The following NPY variants were observed in gnomAD, a reference collection of about 807,000 sequenced individuals.
The protein encoded by NPY is pro-neuropeptide Y.
In NPY, 11 loss-of-function variants were observed where a neutral mutation model predicts 13.2. The ratio of observed to expected loss-of-function variants is 0.83; its 90% CI spans 0.52 to 1.38. The LOEUF (loss-of-function observed/expected upper bound fraction) is 1.38, where lower values mean the gene tolerates loss of function less well. NPY is among the 40% of genes most tolerant of loss of function. The pLI is 0.00. For synonymous variants in NPY, 51 were observed against 55.6 expected (o/e 0.92, Z 0.37); for missense variants, 109 against 125.1 (o/e 0.87, Z 0.61).
chr7:24,287,128 T>A (rs3025119), intron 2 of NPY, among the ~76,000 whole-genome samples: 45 of 152,342 alleles, frequency 3.0e-4, no homozygotes, highest in African/African-American at 8.4e-4. Flanking sequence ...TGTCTTTGGA[T>A]GTTGTCACCA....
At chr7:24,284,982 C>T in intron 1 of NPY, 2 of 560,802 alleles carry the variant, frequency 3.6e-6, no homozygotes, top group African/African-American at 1.9e-5. Context: ...TCGCCGCGCG[C>T]TTCTTGGTCC....
chr7:24,289,915 T>C (rs756898751), intron 3 of NPY, among the ~76,000 whole-genome samples: 1 of 152,164 alleles, frequency 6.6e-6, no homozygotes, highest in Non-Finnish European at 1.5e-5. Context: ...TGACTCTAAA[T>C]TGAAATGACC....
rs1210671919 is a variant in NPY at position 24,291,522 on chromosome 7, G to A, written c.270-141G>A. On this transcript the variant is annotated intron_variant, in intron 3 of 3. Coordinates refer to ENST00000242152, the MANE Select transcript of NPY (RefSeq NM_000905.4). ...GCCTCACGATCTGATATTCCACATG[G>A]CTTCTTATTTAGAATGCCAACAGGA... The A allele has an allele frequency of 6.8e-6, 6 of 879,956 alleles. No homozygotes were observed. In the Admixed American group the frequency reaches 7.2e-5, roughly 10 times the overall value. The allele number at this position is 879,956 out of a possible 1,614,324, so 54.5% of individuals were successfully genotyped here. A position where few individuals can be genotyped will look rare whatever the true frequency, so the allele number is the denominator to read the frequency against.
chr7:24,288,590 C>T (rs1026131249), intron 2 of NPY, among the ~76,000 whole-genome samples: 3 of 148,960 alleles, frequency 2.0e-5, no homozygotes, highest in Admixed American at 6.9e-5. Flanking sequence ...CTTGTCTGGC[C>T]GTTTTGTAGT....
chr7:24,285,543 C>T lies in NPY; in HGVS notation c.188+115C>T. 3.8e-6 allele frequency: 4 copies of T among 1,046,764 alleles called. No individual in the cohort carries two copies. Among genetic ancestry groups the T allele is most frequent in the Non-Finnish European group, 5.5e-6 (4 of 726,724 alleles). 64.8% of individuals were successfully genotyped at this position (1,046,764 alleles called of 1,614,324 possible). On this transcript the variant is annotated intron_variant, in intron 2 of 3. Coordinates refer to ENST00000242152, the MANE Select transcript of NPY (RefSeq NM_000905.4). This position sits in a 1 kb window ranked among gnomAD's most constrained non-coding sequence, Gnocchi z 4.9. ...TCCTTCGCTCTATCCCAGGGCAGGACAGTATCAGGCACTTAGTCAGCTCTA... is the reference window on the plus strand; with the variant it reads ...TCCTTCGCTCTATCCCAGGGCAGGATAGTATCAGGCACTTAGTCAGCTCTA...
rs1562800125 is a variant in NPY, at chr7:24,285,573, A to G, written c.188+145A>G. The stretch of plus-strand genomic sequence containing the variant: ...TCAGGCACTTAGTCAGCTCTAGGTA[A>G]ATGTTTGTACAGGGCACACTCTACA... On this transcript the variant is annotated intron_variant, in intron 2 of 3. Coordinates refer to ENST00000242152, the MANE Select transcript of NPY (RefSeq NM_000905.4). This position sits in a 1 kb window ranked among gnomAD's most constrained non-coding sequence, Gnocchi z 4.9. The G allele has an allele frequency of 2.5e-6, 2 of 805,922 alleles. No homozygotes were observed. Among genetic ancestry groups the G allele is most frequent in the South Asian group, 3.6e-5 (2 of 55,548 alleles). 49.9% of individuals were successfully genotyped at this position (805,922 alleles called of 1,614,324 possible).
At position 24,291,765 on chromosome 7, in the gene NPY, C is replaced by A; in HGVS notation, c.*78C>A. 2 of 1,498,798 alleles carry A rather than the reference C, an allele frequency of 1.3e-6. No individual in the cohort carries two copies. Among genetic ancestry groups the A allele is most frequent in the Non-Finnish European group, 1.9e-6 (2 of 1,075,948 alleles). The allele number at this position is 1,498,798 out of a possible 1,614,324, so 92.8% of individuals were successfully genotyped here. A position where few individuals can be genotyped will look rare whatever the true frequency, so the allele number is the denominator to read the frequency against. On this transcript the variant is annotated 3_prime_UTR_variant, in exon 4 of 4. Coordinates refer to ENST00000242152, the MANE Select transcript of NPY (RefSeq NM_000905.4). ...TCGTGTAAAACGAGAATCCACCCAT[C>A]CTACCAATGCATGCAGCCACTGTGC...
intron 3 of NPY, among the ~76,000 whole-genome samples, chr7:24,291,047 T>A (rs1041231605): frequency 3.3e-5 from 5 of 152,068 alleles, no homozygotes; most frequent in Admixed American, 1.3e-4. Flanking sequence ...GACTTACTGT[T>A]AGAAAAATAA....
Position 24,285,166 on chromosome 7 carries a change from G to C in NPY, c.1-75G>C. The C allele has an allele frequency of 2.0e-6, 3 of 1,475,436 alleles. No homozygotes were observed. In the South Asian group the frequency reaches 3.5e-5, roughly 17 times the overall value. The allele number at this position is 1,475,436 out of a possible 1,614,324, so 91.4% of individuals were successfully genotyped here. ...GTGGTAGCAGGAGGAGGAGCGCGGG[G>C]GGCAGAGGAGGGAGGTGCTGCGCGT... On this transcript the variant is annotated intron_variant, in intron 1 of 3. Transcript: ENST00000242152. The surrounding 1 kb of genome is among the most constrained non-coding windows in gnomAD (Gnocchi z 4.9).
At chr7:24,289,615 A>G (rs748369466) in intron 3 of NPY, 36 bp downstream of exon 3, 2 of 1,542,208 alleles carry the variant, frequency 1.3e-6, no homozygotes, top group Non-Finnish European at 1.8e-6. Context: ...ATTGTTGCAG[A>G]GCTCAAGGTG....
chr7:24,290,459 CACTTG>C (rs1787558962), intron 3 of NPY, among the ~76,000 whole-genome samples: 1 of 152,128 alleles, frequency 6.6e-6, no homozygotes, highest in Non-Finnish European at 1.5e-5. Context: ...GTCACTACAA[CACTTG>C]CTCAGTGAGT....
At chr7:24,291,130 A>T (rs1787584794) in intron 3 of NPY, among the ~76,000 whole-genome samples, 1 of 152,168 alleles carries the variant, frequency 6.6e-6, no homozygotes, top group African/African-American at 2.4e-5. Context: ...TAGTGCATGA[A>T]GTAAAATTAA....
Position 24,285,175 on chromosome 7 carries a change from A to G in NPY, c.1-66A>G. 6.6e-7 allele frequency: 1 copy of G among 1,525,876 alleles called. No homozygotes were observed. The highest frequency in any genetic ancestry group is 1.1e-5 in the South Asian group (1 of 87,964). 94.5% of individuals were successfully genotyped at this position (1,525,876 alleles called of 1,614,324 possible). Reference sequence around the variant, plus strand: ...GGAGGAGGAGCGCGGGGGGCAGAGGAGGGAGGTGCTGCGCGTGGGTGCTCT... The same window carrying G: ...GGAGGAGGAGCGCGGGGGGCAGAGGGGGGAGGTGCTGCGCGTGGGTGCTCT... On this transcript the variant is annotated intron_variant, in intron 1 of 3. Transcript: ENST00000242152. The surrounding 1 kb of genome is among the most constrained non-coding windows in gnomAD (Gnocchi z 4.9).
chr7:24,285,825 G>C lies in NPY; in HGVS notation c.188+397G>C, dbSNP rs1477400734. ...GGGGGAAACGCTAGCAAGGTGTCTA[G>C]GAGAAACAGAACGACCACCAAAGAA... On this transcript the variant is annotated intron_variant, in intron 2 of 3. Coordinates refer to ENST00000242152, the MANE Select transcript of NPY (RefSeq NM_000905.4). This position sits in a 1 kb window ranked among gnomAD's most constrained non-coding sequence, Gnocchi z 4.9. 2.6e-5 allele frequency among the ~76,000 whole-genome samples: 4 copies of C among 152,152 alleles called. No homozygotes were observed. The East Asian group carries it at 7.7e-4, about 29-fold the overall frequency.
At chr7:24,287,683 G>A (rs1367221614) in intron 2 of NPY, among the ~76,000 whole-genome samples, 11 of 152,002 alleles carry the variant, frequency 7.2e-5, no homozygotes. Flanking sequence ...AACTGGAGGT[G>A]GGCACTGCTG....
intron 1 of NPY, chr7:24,284,908 C>A (rs967714690): frequency 2.4e-6 from 1 of 408,566 alleles, no homozygotes; most frequent in Non-Finnish European, 4.5e-6. Context: ...GAAAAGTGAC[C>A]CAGCAGGAAG....
In NPY at chr7:24,285,650, C is replaced by T. The variant is rs144476213; in HGVS notation, c.188+222C>T. ...AACTACAGTCACAGAGTCGTGATCC[C>T]CAGATTCAGGTTCCCCAGGCTGGTA... is the stretch of plus-strand genomic sequence containing the variant. On this transcript the variant is annotated intron_variant, in intron 2 of 3. Coordinates refer to ENST00000242152, the MANE Select transcript of NPY (RefSeq NM_000905.4). The surrounding 1 kb of genome is among the most constrained non-coding windows in gnomAD (Gnocchi z 4.9). 2.6e-4 allele frequency among the ~76,000 whole-genome samples: 39 copies of T among 152,164 alleles called. No homozygotes were observed. The highest frequency in any genetic ancestry group is 3.4e-3 in the Middle Eastern group (1 of 294).
Position 24,291,809 on chromosome 7 carries a change from C to T in NPY, c.*122C>T. On this transcript the variant is annotated 3_prime_UTR_variant, in exon 4 of 4. Coordinates refer to ENST00000242152, the MANE Select transcript of NPY (RefSeq NM_000905.4). ...ACTGTGCTGAATTCTGCAATGTTTT[C>T]CTTTGTCATCATTGTATATATGTGT... 9.3e-7 allele frequency: 1 copy of T among 1,073,858 alleles called. No homozygotes were observed. Among genetic ancestry groups the T allele is most frequent in the East Asian group, 2.4e-5 (1 of 42,218 alleles). 66.5% of individuals were successfully genotyped at this position (1,073,858 alleles called of 1,614,324 possible). A position where few individuals can be genotyped will look rare whatever the true frequency, so the allele number is the denominator to read the frequency against.
At chr7:24,289,454 T>C in intron 2 of NPY, 45 bp from the exon 3 acceptor site, 1 of 1,381,854 alleles carries the variant, frequency 7.2e-7, no homozygotes. Flanking sequence ...CTAAAGGTTT[T>C]TATGCCTATT....
Sources: gnomAD v4.1 joint callset for allele counts (sites outside exome capture counted in the v4.1 genomes callset) on GRCh38, gnomAD v4.1.1 for gene constraint, Gnocchi (gnomAD v3.1) non-coding constraint, MANE v1.5 for transcripts, NCBI Gene and HGNC (gene_info 2026-07-23, HGNC 2026-07-21) for gene names.